CDH2: variants seen among roughly 807,000 people sequenced by gnomAD.
CDH2 encodes cadherin 2.
A neutral mutation model predicts 92.0 loss-of-function variants in CDH2; 17 were observed. The ratio of observed to expected loss-of-function variants is 0.18; its 90% CI spans 0.13 to 0.28. CDH2 has a LOEUF of 0.28. Ranked by LOEUF, CDH2 falls within the 10% of genes least tolerant of loss-of-function variation. The pLI is 1.00. For synonymous variants in CDH2, 419 were observed against 415.9 expected (o/e 1.01, Z -0.09); for missense variants, 862 against 1,133.1 (o/e 0.76, Z 3.44).
chr18:27,957,494 T>C (rs768061498), intron 15 of CDH2, among the ~76,000 whole-genome samples: 2 of 152,018 alleles, frequency 1.3e-5, no homozygotes, highest in African/African-American at 2.4e-5. Flanking sequence ...TCAAGCGATC[T>C]GCCTGCCTGA....
rs192054390 is a variant in CDH2 at position 28,043,501 on chromosome 18, T to A, written c.173-29592A>T. ...ATATATATATATATATATAAATATA[T>A]ATATATATATATATAAACAGGTTTG... On this transcript the variant is annotated intron_variant, in intron 2 of 15. Coordinates refer to ENST00000269141, the MANE Select transcript of CDH2 (RefSeq NM_001792.5). Among the ~76,000 whole-genome samples, 7 of 83,908 alleles carry A rather than the reference T, an allele frequency of 8.3e-5. No individual in the cohort carries two copies. In the South Asian group the frequency reaches 1.8e-3, roughly 22 times the overall value. 55.0% of individuals were successfully genotyped at this position (83,908 alleles called of 152,430 possible). A position where few individuals can be genotyped will look rare whatever the true frequency, so the allele number is the denominator to read the frequency against.
intron 13 of CDH2, 105 bp from the exon 14 acceptor site, chr18:27,983,188 G>C (rs1009396386): frequency 2.6e-6 from 2 of 763,584 alleles, no homozygotes; most frequent in African/African-American, 1.8e-5. Context: ...TGAACTGAAG[G>C]CCTGAAATGC....
chr18:27,937,149 T>C (rs1355720708), intron 6 of CDH2, among the ~76,000 whole-genome samples: 1 of 152,160 alleles, frequency 6.6e-6, no homozygotes, highest in African/African-American at 2.4e-5. Flanking sequence ...TTCAAATACA[T>C]TAAAAGCTTG....
chr18:28,091,549 ATT>A (rs768949229), intron 2 of CDH2, among the ~76,000 whole-genome samples: 3 of 152,244 alleles, frequency 2.0e-5, no homozygotes, highest in African/African-American at 2.4e-5. Context: ...AAAGCAGTTA[ATT>A]CTAAATGATT....
chr18:28,029,402 A>C (rs2013636997), intron 2 of CDH2, among the ~76,000 whole-genome samples: 1 of 152,038 alleles, frequency 6.6e-6, no homozygotes, highest in South Asian at 2.1e-4. Context: ...ATGCTTACTA[A>C]ATTTTTATTA....
chr18:28,040,133 A>G (rs774597834), intron 2 of CDH2, among the ~76,000 whole-genome samples: 1 of 152,196 alleles, frequency 6.6e-6, no homozygotes, highest in African/African-American at 2.4e-5. Context: ...TTGATTGAGC[A>G]TTTGTGCACA....
rs1420154381 is a variant in CDH2 at position 28,176,986 on chromosome 18, G to A, written c.37C>T (p.Pro13Ser). 9 of 1,455,386 alleles carry A rather than the reference G, an allele frequency of 6.2e-6. No homozygotes were observed. Among genetic ancestry groups the A allele is most frequent in the Non-Finnish European group, 8.2e-6 (9 of 1,103,944 alleles). The allele number at this position is 1,455,386 out of a possible 1,614,324, so 90.2% of individuals were successfully genotyped here. A position where few individuals can be genotyped will look rare whatever the true frequency, so the allele number is the denominator to read the frequency against. ...RIAGALRTLL[P>S]LLAALLQASV... The stretch of plus-strand genomic sequence containing the variant: ...ACCTGAAGCAGGGCCGCCAGCAGCG[G>A]CAGCAGGGTCCGCAGCGCTCCCGCT... Residue 13 changes from proline (P) to serine (S), a missense_variant, in exon 1 of 16, where the codon CCG becomes TCG. Coordinates refer to ENST00000269141, the MANE Select transcript of CDH2 (RefSeq NM_001792.5).
At chr18:28,020,850 T>C (rs117870374) in intron 2 of CDH2, among the ~76,000 whole-genome samples, 1 of 152,128 alleles carries the variant, frequency 6.6e-6, no homozygotes, top group Non-Finnish European at 1.5e-5. Context: ...TTGTCAATTG[T>C]AACAAATATA....
Position 28,085,498 on chromosome 18 carries a change from A to ATGGCTCTTCTCAT in CDH2, c.172+62162_172+62174dup, listed in dbSNP as rs2014909677. 2.0e-5 allele frequency among the ~76,000 whole-genome samples: 3 copies of ATGGCTCTTCTCAT among 152,160 alleles called. No individual in the cohort carries two copies. The South Asian group carries it at 6.2e-4, about 32-fold the overall frequency. ...CTGTCCAAGGCATCATTCCCATATCATGGCTCTTCTCATTCACCTTGTATG... is the reference window on the plus strand; with the variant it reads ...CTGTCCAAGGCATCATTCCCATATCATGGCTCTTCTCATTGGCTCTTCTCATTCACCTTGTATG... On this transcript the variant is annotated intron_variant, in intron 2 of 15. Coordinates refer to ENST00000269141, the MANE Select transcript of CDH2 (RefSeq NM_001792.5).
In CDH2 at chr18:28,011,843, T is replaced by C; in HGVS notation, c.546+3A>G. 10 of 1,613,940 alleles carry C rather than the reference T, an allele frequency of 6.2e-6. No individual in the cohort carries two copies. Among genetic ancestry groups the C allele is most frequent in the Non-Finnish European group, 7.6e-6 (9 of 1,179,836 alleles). On this transcript the variant is annotated splice_donor_region_variant and intron_variant, in intron 4 of 15. Coordinates refer to ENST00000269141, the MANE Select transcript of CDH2 (RefSeq NM_001792.5). ...GAAAACAGTTAAAATTGTGCCACCT[T>C]ACCCTGACAAGCTCTTGAGGAAAAG...
intron 14 of CDH2, among the ~76,000 whole-genome samples, chr18:27,965,810 C>CCATCT (rs1169053773): frequency 6.6e-6 from 1 of 151,562 alleles, no homozygotes; most frequent in Admixed American, 6.6e-5. Context: ...TGGTGAAACC[C>CCATCT]CATCTCTACT....
intron 2 of CDH2, among the ~76,000 whole-genome samples, chr18:28,140,800 A>G (rs919044166): frequency 6.6e-6 from 1 of 151,176 alleles, no homozygotes; most frequent in African/African-American, 2.4e-5. Flanking sequence ...TAGTATCCAG[A>G]ATATACAAAG....
chr18:27,999,036 A>T (rs2143997078), intron 7 of CDH2, among the ~76,000 whole-genome samples: 1 of 152,348 alleles, frequency 6.6e-6, no homozygotes, highest in Middle Eastern at 3.4e-3. Flanking sequence ...AACACAGTCT[A>T]TATAGAGGTA....
intron 2 of CDH2, among the ~76,000 whole-genome samples, chr18:28,093,641 T>C (rs1188773648): frequency 3.3e-5 from 5 of 151,766 alleles, no homozygotes; most frequent in African/African-American, 1.2e-4. Context: ...AGCTATAAGG[T>C]TCAGATAAAA....
chr18:28,051,306 T>C (rs1307669296), intron 2 of CDH2, among the ~76,000 whole-genome samples: 5 of 152,198 alleles, frequency 3.3e-5, no homozygotes, highest in Admixed American at 2.6e-4. Flanking sequence ...AACCTGAAGA[T>C]AGTGTAATAC....
chr18:27,987,901 C>G lies in CDH2; in HGVS notation c.1741+623G>C, dbSNP rs749591179. Among the ~76,000 whole-genome samples the G allele has an allele frequency of 1.6e-3, 243 of 152,230 alleles. 2 individuals are homozygous for G. Among genetic ancestry groups the G allele is most frequent in the Non-Finnish European group, 7.6e-4 (52 of 68,030 alleles). On this transcript the variant is annotated intron_variant, in intron 11 of 15. Coordinates refer to ENST00000269141, the MANE Select transcript of CDH2 (RefSeq NM_001792.5). ...AGAGCTTGAAGTCTGAAACACACATCGTACTGAGAGCTAACGAAGCAAAAT... is the reference window on the plus strand; with the variant it reads ...AGAGCTTGAAGTCTGAAACACACATGGTACTGAGAGCTAACGAAGCAAAAT...
At chr18:27,963,268 C>T (rs2011455062) in intron 15 of CDH2, 89 bp downstream of exon 15, 3 of 1,211,736 alleles carry the variant, frequency 2.5e-6, no homozygotes, top group Admixed American at 1.9e-5. Flanking sequence ...AACTATATAG[C>T]TGTATTCCAA....
chr18:27,973,011 C>T lies in CDH2; in HGVS notation c.2350-9490G>A, dbSNP rs146182987. Among the ~76,000 whole-genome samples, 14 of 152,218 alleles carry T rather than the reference C, an allele frequency of 9.2e-5. No individual in the cohort carries two copies. In the East Asian group the frequency reaches 2.7e-3, roughly 29 times the overall value. Reference sequence around the variant, plus strand: ...TGTGGTACAGGTGTGCAAGTATAGGCAGTTCAAAATGCAAAGTGGAGGGGT... The same window carrying T: ...TGTGGTACAGGTGTGCAAGTATAGGTAGTTCAAAATGCAAAGTGGAGGGGT... On this transcript the variant is annotated intron_variant, in intron 14 of 15. Transcript: ENST00000269141.
intron 9 of CDH2, among the ~76,000 whole-genome samples, chr18:27,991,340 G>A (rs989444904): frequency 1.1e-4 from 16 of 152,096 alleles, no homozygotes; most frequent in African/African-American, 2.2e-4. Context: ...CACCAGTTTC[G>A]TACCCTAGAC....
Sources: gnomAD v4.1 joint callset for allele counts (sites outside exome capture counted in the v4.1 genomes callset) on GRCh38, gnomAD v4.1.1 for gene constraint, MANE v1.5 for transcripts, NCBI Gene and HGNC (gene_info 2026-07-23, HGNC 2026-07-21) for gene names.